The following NAALADL2 variants were observed in gnomAD, a reference collection of about 807,000 sequenced individuals.
The protein encoded by NAALADL2 is inactive N-acetylated-alpha-linked acidic dipeptidase-like protein 2.
In NAALADL2, 76 loss-of-function variants were observed where a neutral mutation model predicts 87.2. That is an observed-to-expected ratio of 0.87 (90% CI 0.72 to 1.05). NAALADL2 has a LOEUF of 1.05. Among genes scored for constraint, NAALADL2 ranks in the 50% least tolerant of loss-of-function variants. The probability of loss-of-function intolerance (pLI) is 0.00; values close to 1 mark genes in which losing one functional copy is unlikely to be tolerated. For synonymous variants in NAALADL2, 354 were observed against 331.0 expected (o/e 1.07, Z -0.75); for missense variants, 1,089 against 945.8 (o/e 1.15, Z -1.99).
chr3:174,608,427 A>G (rs1719378509), intron 2 of NAALADL2, among the ~76,000 whole-genome samples: 1 of 151,926 alleles, frequency 6.6e-6, no homozygotes. Flanking sequence ...TAGCAAGACT[A>G]ATAAAAAAAG....
chr3:174,931,637 T>C (rs1409968686), intron 1 of NAALADL2, among the ~76,000 whole-genome samples: 1 of 152,192 alleles, frequency 6.6e-6, no homozygotes, highest in Non-Finnish European at 1.5e-5. Context: ...ACTAGAATGT[T>C]AACTATCTCT....
chr3:174,679,204 A>G (rs955744113), intron 2 of NAALADL2, among the ~76,000 whole-genome samples: 1 of 152,034 alleles, frequency 6.6e-6, no homozygotes, highest in Non-Finnish European at 1.5e-5. Flanking sequence ...GTAAGTCTGA[A>G]CTTCTATTCT....
At chr3:175,652,259 G>A (rs1427065315) in intron 11 of NAALADL2, among the ~76,000 whole-genome samples, 1 of 152,064 alleles carries the variant, frequency 6.6e-6, no homozygotes, top group African/African-American at 2.4e-5. Context: ...ATTTATATGG[G>A]GAGGCAGTGA....
At position 175,808,924 on chromosome 3, in the gene NAALADL2, C is replaced by CA. The variant is rs1754930531; in HGVS notation, c.*5722dup. ...TAATTATTTAATTATCTAGCCTGCT[C>CA]AGTAATCATAACTCTCCAACTTCTT... is the stretch of plus-strand genomic sequence containing the variant. On this transcript the variant is annotated 3_prime_UTR_variant, in exon 14 of 14. Transcript: ENST00000454872. 6.6e-6 allele frequency: 1 copy of CA among 151,908 alleles called. No homozygotes were observed. The highest frequency in any genetic ancestry group is 1.5e-5 in the Non-Finnish European group (1 of 67,928). The allele number at this position is 151,908 out of a possible 1,614,324, so 9.4% of individuals were successfully genotyped here.
At chr3:174,996,496 C>CAAA (rs544719815) in intron 1 of NAALADL2, among the ~76,000 whole-genome samples, 49 of 134,852 alleles carry the variant, frequency 3.6e-4, no homozygotes, top group African/African-American at 1.2e-3. Context: ...GACTCTGTCT[C>CAAA]AAAAAAAAAA....
intron 11 of NAALADL2, among the ~76,000 whole-genome samples, chr3:175,634,295 T>C (rs1728205231): frequency 6.6e-6 from 1 of 151,274 alleles, no homozygotes; most frequent in Non-Finnish European, 1.5e-5. Context: ...TTTAAATACA[T>C]GACTTGCAAA....
intron 4 of NAALADL2, among the ~76,000 whole-genome samples, chr3:175,294,167 A>G (rs1042680729): frequency 2.6e-5 from 4 of 152,208 alleles, no homozygotes; most frequent in African/African-American, 9.6e-5. Context: ...GTAAAGCAGA[A>G]GCTGCTAAAG....
chr3:175,149,875 G>A (rs754296830), intron 2 of NAALADL2, among the ~76,000 whole-genome samples: 2 of 152,058 alleles, frequency 1.3e-5, no homozygotes, highest in Non-Finnish European at 2.9e-5. Flanking sequence ...GAGGTATTCA[G>A]ACAAAGACTC....
chr3:175,725,611 C>G (rs572094617), intron 11 of NAALADL2, among the ~76,000 whole-genome samples: 2 of 152,028 alleles, frequency 1.3e-5, no homozygotes, highest in South Asian at 4.1e-4. Context: ...TCCCTATTTG[C>G]TAAAATTAGA....
At chr3:175,776,750 A>G (rs947212394) in intron 13 of NAALADL2, among the ~76,000 whole-genome samples, 1 of 152,160 alleles carries the variant, frequency 6.6e-6, no homozygotes, top group Non-Finnish European at 1.5e-5. Flanking sequence ...CAAAAGGGGC[A>G]GACATTTAAC....
intron 1 of NAALADL2, among the ~76,000 whole-genome samples, chr3:174,936,470 T>A (rs908359561): frequency 5.1e-4 from 77 of 152,198 alleles, no homozygotes; most frequent in African/African-American, 1.8e-3. Context: ...GATAAAAAGA[T>A]TTTGAGAATC....
intron 2 of NAALADL2, among the ~76,000 whole-genome samples, chr3:175,202,507 C>T (rs1740197116): frequency 6.6e-6 from 1 of 152,174 alleles, no homozygotes; most frequent in Non-Finnish European, 1.5e-5. Flanking sequence ...AACTTTCCCA[C>T]TGATCCAAAG....
intron 9 of NAALADL2, among the ~76,000 whole-genome samples, chr3:175,476,553 C>T (rs1725730767): frequency 6.6e-6 from 1 of 152,150 alleles, no homozygotes; most frequent in South Asian, 2.1e-4. Flanking sequence ...AACCTCAATC[C>T]TTCAATCAAG....
intron 3 of NAALADL2, among the ~76,000 whole-genome samples, chr3:174,774,172 A>G (rs1033385120): frequency 6.6e-6 from 1 of 152,040 alleles, no homozygotes; most frequent in African/African-American, 2.4e-5. Flanking sequence ...GCCTTCTTAT[A>G]TGGGATTATA....
rs555555962 is a variant in NAALADL2, at chr3:174,976,623, C to A, written c.43+117173C>A. Among the ~76,000 whole-genome samples the A allele has an allele frequency of 2.6e-5, 4 of 152,316 alleles. No homozygotes were observed. The South Asian group carries it at 8.3e-4, about 32-fold the overall frequency. On this transcript the variant is annotated intron_variant, in intron 1 of 13. Transcript: ENST00000454872. Reference sequence around the variant, plus strand: ...TGCCAGTTATATTTGCTGCACTCTGCAGGATGCAAGTGCTTGGGTAGATAC... The same window carrying A: ...TGCCAGTTATATTTGCTGCACTCTGAAGGATGCAAGTGCTTGGGTAGATAC...
At chr3:175,388,066 T>C (rs1387141526) in intron 5 of NAALADL2, among the ~76,000 whole-genome samples, 4 of 152,058 alleles carry the variant, frequency 2.6e-5, no homozygotes, top group Non-Finnish European at 5.9e-5. Context: ...CTAGAGAGAC[T>C]TTCCATAGCT....
chr3:175,630,324 C>T (rs150843857), intron 11 of NAALADL2, among the ~76,000 whole-genome samples: 6 of 151,744 alleles, frequency 4.0e-5, no homozygotes, highest in African/African-American at 1.4e-4. Flanking sequence ...TTGTTATTCT[C>T]TTTAGTAGAA....
intron 12 of NAALADL2, among the ~76,000 whole-genome samples, chr3:175,740,373 G>A (rs965385495): frequency 1.3e-5 from 2 of 152,146 alleles, no homozygotes; most frequent in African/African-American, 4.8e-5. Flanking sequence ...ATAAATTGGG[G>A]ATGTGTGGCA....
chr3:175,115,699 C>T (rs1288576388), intron 2 of NAALADL2, among the ~76,000 whole-genome samples: 1 of 151,524 alleles, frequency 6.6e-6, no homozygotes, highest in Admixed American at 6.6e-5. Context: ...GGTATTTCTG[C>T]TTGGATAGGA....
Sources: allele counts gnomAD v4.1 joint callset (sites outside exome capture counted in the v4.1 genomes callset), GRCh38; gene constraint gnomAD v4.1.1; transcripts MANE v1.5; gene names NCBI Gene and HGNC (gene_info 2026-07-23, HGNC 2026-07-21).